Variants in SPON1 observed in about 807,000 individuals in gnomAD.
SPON1 encodes the protein spondin 1.
Under a neutral mutation model 111.7 loss-of-function variants are expected in SPON1, and 52 were observed. The observed-to-expected ratio is 0.47, with a 90% CI of 0.37 to 0.59. The LOEUF is 0.59. SPON1 is among the 20% of genes least tolerant of loss of function. The pLI, the probability that SPON1 is intolerant of heterozygous loss-of-function variation, is 0.00. For missense variants in SPON1, 957 were observed against 1,068.5 expected (o/e 0.90, Z 1.46); for synonymous variants, 410 against 395.8 (o/e 1.04, Z -0.43).
In SPON1 at chr11:13,991,268, G is replaced by C. The variant is rs536030545; in HGVS notation, c.345+8315G>C. 5.3e-5 allele frequency among the ~76,000 whole-genome samples: 8 copies of C among 152,148 alleles called. 1 individual carries two copies. In the South Asian group the frequency reaches 6.2e-4, roughly 12 times the overall value. On this transcript the variant is annotated intron_variant, in intron 2 of 15. Transcript: ENST00000576479. ...CCCATATTTCTTGGAGGCTTTGTTT[G>C]TTCCTTTTTATTCTTTTTTTCTCTA...
intron 5 of SPON1, among the ~76,000 whole-genome samples, chr11:14,108,070 AGCACCTT>A (rs1429225772): frequency 2.5e-4 from 38 of 152,284 alleles, no homozygotes; most frequent in African/African-American, 8.4e-4. Context: ...TACTAGCTGT[AGCACCTT>A]GCAGAAGACA....
intron 15 of SPON1, among the ~76,000 whole-genome samples, chr11:14,264,354 C>A (rs4756786): frequency 0.27 from 40,296 of 152,034 alleles, 6,125 homozygotes; most frequent in East Asian, 0.38. Flanking sequence ...TATTTGTAAC[C>A]CAAGAGAAAG....
chr11:14,265,829 CAG>C lies in SPON1; in HGVS notation c.*146_*147del, dbSNP rs1454339827. 2.1e-6 allele frequency: 2 copies of C among 940,186 alleles called. No homozygotes were observed. Among genetic ancestry groups the C allele is most frequent in the Non-Finnish European group, 3.1e-6 (2 of 638,618 alleles). 58.2% of individuals were successfully genotyped at this position (940,186 alleles called of 1,614,324 possible). On this transcript the variant is annotated 3_prime_UTR_variant, in exon 16 of 16. Coordinates refer to ENST00000576479, the MANE Select transcript of SPON1 (RefSeq NM_006108.4). ...GTTCGCCCAGTAGTCTTGTGGATGC[CAG>C]AGACATCCTTTCTGAATACTTCTTG...
At chr11:14,154,989 T>G (rs1025663209) in intron 6 of SPON1, among the ~76,000 whole-genome samples, 1 of 152,194 alleles carries the variant, frequency 6.6e-6, no homozygotes, top group Non-Finnish European at 1.5e-5. Flanking sequence ...CGCCAGTCTC[T>G]TTGCTAAGGC....
At chr11:14,010,446 G>T (rs1183544006) in intron 2 of SPON1, among the ~76,000 whole-genome samples, 1 of 152,082 alleles carries the variant, frequency 6.6e-6, no homozygotes, top group African/African-American at 2.4e-5. Flanking sequence ...AGGTTGAGGG[G>T]CACGTGAAGC....
chr11:14,067,586 G>A (rs1417520881), intron 3 of SPON1, among the ~76,000 whole-genome samples: 5 of 152,290 alleles, frequency 3.3e-5, no homozygotes. Context: ...TACCTGGGAA[G>A]CAAAACTTCC....
At chr11:14,172,641 T>C (rs1363487869) in intron 6 of SPON1, among the ~76,000 whole-genome samples, 5 of 152,014 alleles carry the variant, frequency 3.3e-5, no homozygotes, top group Admixed American at 2.0e-4. Flanking sequence ...CAGTTGTTCC[T>C]TTCCATGTTT....
chr11:13,984,791 T>G (rs1848169738), intron 2 of SPON1, among the ~76,000 whole-genome samples: 1 of 152,202 alleles, frequency 6.6e-6, no homozygotes, highest in African/African-American at 2.4e-5. Flanking sequence ...AACTGATTGG[T>G]GAATACAGGG....
chr11:13,963,334 C>T (rs1554907724), intron 1 of SPON1, among the ~76,000 whole-genome samples, 192 bp downstream of exon 1: 1 of 152,268 alleles, frequency 6.6e-6, no homozygotes, highest in East Asian at 1.9e-4. Context: ...TCCAGCGTCC[C>T]GGGCCGTCGC....
intron 4 of SPON1, among the ~76,000 whole-genome samples, chr11:14,077,057 T>C (rs1363265398): frequency 6.6e-6 from 1 of 152,234 alleles, no homozygotes; most frequent in Non-Finnish European, 1.5e-5. Context: ...TGTGGTGGAC[T>C]TGTGGGTGTT....
At chr11:14,211,448 G>A (rs1848576385) in intron 6 of SPON1, among the ~76,000 whole-genome samples, 1 of 152,106 alleles carries the variant, frequency 6.6e-6, no homozygotes, top group Non-Finnish European at 1.5e-5. Flanking sequence ...TCTTCAAGGA[G>A]AACTACAAAC....
chr11:14,185,569 T>C (rs1554934003), intron 6 of SPON1, among the ~76,000 whole-genome samples: 1 of 152,218 alleles, frequency 6.6e-6, no homozygotes, highest in Non-Finnish European at 1.5e-5. Context: ...TTATACATAG[T>C]TTACCAAACA....
At chr11:14,151,019 C>T (rs1290815897) in intron 6 of SPON1, among the ~76,000 whole-genome samples, 3 of 152,194 alleles carry the variant, frequency 2.0e-5, no homozygotes, top group African/African-American at 7.2e-5. Context: ...GGAAGGCAGC[C>T]AGTGTATGCC....
chr11:14,150,621 T>C (rs782699893), intron 6 of SPON1, among the ~76,000 whole-genome samples: 1 of 151,780 alleles, frequency 6.6e-6, no homozygotes, highest in Non-Finnish European at 1.5e-5. Context: ...GATAAAAGAA[T>C]AGAAAAATGG....
intron 6 of SPON1, among the ~76,000 whole-genome samples, chr11:14,158,007 G>C (rs1847869037): frequency 6.6e-6 from 1 of 151,776 alleles, no homozygotes; most frequent in Non-Finnish European, 1.5e-5. Flanking sequence ...TTTTTCCCTT[G>C]CTTCAGTTTC....
At chr11:14,236,886 G>A (rs1848873304) in intron 6 of SPON1, among the ~76,000 whole-genome samples, 1 of 152,218 alleles carries the variant, frequency 6.6e-6, no homozygotes, top group Non-Finnish European at 1.5e-5. Flanking sequence ...TGACCTTGAC[G>A]GGAGCAGTGA....
At position 14,267,548 on chromosome 11, in the gene SPON1, A is replaced by C. The variant is rs148275032; in HGVS notation, c.*1861A>C. On this transcript the variant is annotated 3_prime_UTR_variant, in exon 16 of 16. Transcript: ENST00000576479. ...AAAGTTCCTTAAGCTGGTGATTCCT[A>C]ATCAAGGACAAGCCACCCTAGTGTC... 6.7e-4 allele frequency: 102 copies of C among 152,344 alleles called. No individual in the cohort carries two copies. Among genetic ancestry groups the C allele is most frequent in the African/African-American group, 2.2e-3 (93 of 41,594 alleles). 9.4% of individuals were successfully genotyped at this position (152,344 alleles called of 1,614,324 possible). A position where few individuals can be genotyped will look rare whatever the true frequency, so the allele number is the denominator to read the frequency against.
chr11:14,090,741 C>T (rs1286471530), intron 5 of SPON1, among the ~76,000 whole-genome samples: 2 of 147,778 alleles, frequency 1.4e-5, no homozygotes, highest in Non-Finnish European at 2.9e-5. Context: ...TTGCAAAGAG[C>T]AAAAGAACAA....
At chr11:14,116,384 T>C (rs139420763) in intron 5 of SPON1, among the ~76,000 whole-genome samples, 145 of 152,304 alleles carry the variant, frequency 9.5e-4, no homozygotes, top group South Asian at 6.6e-3. Flanking sequence ...CATATCTAGA[T>C]ATTGAACTGA....
Sources: allele counts gnomAD v4.1 joint callset (sites outside exome capture counted in the v4.1 genomes callset), GRCh38; gene constraint gnomAD v4.1.1; transcripts MANE v1.5; gene names NCBI Gene and HGNC (gene_info 2026-07-23, HGNC 2026-07-21).